CERKL: variants seen among roughly 807,000 people sequenced by gnomAD.
CERKL encodes ceramide kinase-like protein.
A neutral mutation model predicts 63.4 loss-of-function variants in CERKL; 61 were observed. The ratio of observed to expected loss-of-function variants is 0.96; its 90% confidence interval spans 0.78 to 1.19. The LOEUF (loss-of-function observed/expected upper bound fraction) is 1.19, where lower values mean the gene tolerates loss of function less well. CERKL is among the 50% of genes most tolerant of loss of function. The pLI is 0.00. For synonymous variants in CERKL, 250 were observed against 230.5 expected (o/e 1.08, Z -0.77); for missense variants, 675 against 655.5 (o/e 1.03, Z -0.33).
intron 11 of CERKL, among the ~76,000 whole-genome samples, chr2:181,540,398 C>T (rs1440963712): frequency 6.6e-6 from 1 of 152,204 alleles, no homozygotes; most frequent in Non-Finnish European, 1.5e-5. Flanking sequence ...CCCTCCACCA[C>T]CCCAACTATG....
At chr2:181,566,241 T>G in intron 3 of CERKL, 120 bp from the exon 4 acceptor site, 1 of 752,422 alleles carries the variant, frequency 1.3e-6, no homozygotes, top group African/African-American at 1.7e-5. Context: ...ACAGCATTTA[T>G]TCTTGAATAT....
Position 181,558,305 on chromosome 2 carries a change from A to C in CERKL, c.820+261T>G, listed in dbSNP as rs1688293259. Among the ~76,000 whole-genome samples, 1 of 152,162 alleles carries C rather than the reference A, an allele frequency of 6.6e-6. No homozygotes were observed. Among genetic ancestry groups the C allele is most frequent in the Non-Finnish European group, 1.5e-5 (1 of 68,034 alleles). ...GGTTTAACTATATATTAAACCCTTTACTAAACCAAACGTTAGTACTACAAT... is the reference window on the plus strand; with the variant it reads ...GGTTTAACTATATATTAAACCCTTTCCTAAACCAAACGTTAGTACTACAAT... On this transcript the variant is annotated intron_variant, in intron 5 of 12. Coordinates refer to ENST00000410087, the MANE Select transcript of CERKL (RefSeq NM_201548.5). The surrounding 1 kb of genome is among the most constrained non-coding windows in gnomAD (Gnocchi z 4.2).
At chr2:181,541,136 G>A (rs560469891) in intron 11 of CERKL, among the ~76,000 whole-genome samples, 3 of 152,248 alleles carry the variant, frequency 2.0e-5, no homozygotes, top group Admixed American at 6.5e-5. Flanking sequence ...TTAAAGAGAC[G>A]ATTAAGCTAA....
chr2:181,539,042 T>A, intron 12 of CERKL, 50 bp downstream of exon 12: 3 of 1,279,164 alleles, frequency 2.3e-6, no homozygotes, highest in Non-Finnish European at 2.2e-6. Flanking sequence ...GTTGTAATAT[T>A]AGATTTATGT....
At chr2:181,571,805 G>A (rs1007339922) in intron 3 of CERKL, among the ~76,000 whole-genome samples, 2 of 152,084 alleles carry the variant, frequency 1.3e-5, no homozygotes, top group African/African-American at 4.8e-5. Flanking sequence ...GAGTCTTGAT[G>A]GTTAAATAAA....
intron 1 of CERKL, among the ~76,000 whole-genome samples, chr2:181,643,059 C>T (rs1031869730): frequency 1.3e-5 from 2 of 152,184 alleles, no homozygotes; most frequent in African/African-American, 4.8e-5. Context: ...TTCATGAGGG[C>T]TCTGAAGTTC....
At chr2:181,566,792 G>A (rs934506476) in intron 3 of CERKL, among the ~76,000 whole-genome samples, 1 of 152,158 alleles carries the variant, frequency 6.6e-6, no homozygotes, top group Non-Finnish European at 1.5e-5. Context: ...AGTGAAGACA[G>A]GATAAACGGG....
intron 5 of CERKL, among the ~76,000 whole-genome samples, chr2:181,552,952 G>A (rs185610411): frequency 2.7e-4 from 41 of 152,244 alleles, no homozygotes; most frequent in Admixed American, 2.6e-3. Flanking sequence ...AGATCCCCAG[G>A]TGGTTTGTAT....
At chr2:181,649,746 C>A (rs959912395) in intron 1 of CERKL, 3 of 152,122 alleles carry the variant, frequency 2.0e-5, no homozygotes, top group Non-Finnish European at 4.4e-5. Context: ...TACTAGAAAT[C>A]AGGCCAGGTG....
At chr2:181,601,814 T>G (rs1823335) in intron 2 of CERKL, among the ~76,000 whole-genome samples, 27,655 of 152,172 alleles carry the variant, frequency 0.18, 4,029 homozygotes, top group African/African-American at 0.4. Flanking sequence ...AACAGTTTGT[T>G]TGTATGAGTT....
At chr2:181,552,273 G>A (rs375146917) in intron 5 of CERKL, among the ~76,000 whole-genome samples, 5 of 152,070 alleles carry the variant, frequency 3.3e-5, no homozygotes, top group East Asian at 1.9e-4. Flanking sequence ...TGTCCCTACC[G>A]AAATCTCATC....
chr2:181,545,714 T>C (rs1687697398), intron 10 of CERKL, among the ~76,000 whole-genome samples: 1 of 152,136 alleles, frequency 6.6e-6, no homozygotes, highest in South Asian at 2.1e-4. Flanking sequence ...CTCAGTATGC[T>C]TTCCATCATG....
intron 4 of CERKL, among the ~76,000 whole-genome samples, chr2:181,560,946 A>T (rs1688413988): frequency 6.6e-6 from 1 of 152,208 alleles, no homozygotes; most frequent in African/African-American, 2.4e-5. Flanking sequence ...TAAGTTTTGT[A>T]AAACAAAAAT....
intron 1 of CERKL, among the ~76,000 whole-genome samples, chr2:181,632,842 G>A (rs1465464252): frequency 6.6e-6 from 1 of 152,130 alleles, no homozygotes; most frequent in Non-Finnish European, 1.5e-5. Flanking sequence ...TCAGGAGGCA[G>A]AAAGGTCACT....
intron 2 of CERKL, among the ~76,000 whole-genome samples, chr2:181,589,056 C>T (rs57655914): frequency 0.23 from 34,612 of 152,056 alleles, 7,541 homozygotes; most frequent in African/African-American, 0.57. Flanking sequence ...ACTGACTGTT[C>T]CCTTTGCTGT....
chr2:181,557,918 C>G (rs1688280048), intron 5 of CERKL, among the ~76,000 whole-genome samples: 1 of 152,158 alleles, frequency 6.6e-6, no homozygotes, highest in Non-Finnish European at 1.5e-5. Flanking sequence ...AAGACCTAAT[C>G]CAAGTGTCAT....
intron 4 of CERKL, chr2:181,565,312 T>G: frequency 1.4e-6 from 1 of 722,428 alleles, no homozygotes; most frequent in Non-Finnish European, 2.5e-6. Flanking sequence ...AAATATCTAC[T>G]CACGTAAAAA....
At chr2:181,575,840 C>G (rs372848452) in intron 2 of CERKL, among the ~76,000 whole-genome samples, 135 of 152,246 alleles carry the variant, frequency 8.9e-4, no homozygotes, top group African/African-American at 3.2e-3. Flanking sequence ...CCACCCCATC[C>G]CCACTTTTGT....
intron 2 of CERKL, among the ~76,000 whole-genome samples, chr2:181,578,289 AAGAG>A (rs1281650265): frequency 6.6e-6 from 1 of 151,700 alleles, no homozygotes; most frequent in Non-Finnish European, 1.5e-5. Flanking sequence ...TAGACAGAGA[AAGAG>A]AGAGAGAGAA....
Sources: allele counts gnomAD v4.1 joint callset (sites outside exome capture counted in the v4.1 genomes callset), GRCh38; gene constraint gnomAD v4.1.1; non-coding constraint Gnocchi (gnomAD v3.1); transcripts MANE v1.5; gene names NCBI Gene and HGNC (gene_info 2026-07-23, HGNC 2026-07-21).